Variants in ELOVL5 observed in about 807,000 individuals in gnomAD.
The protein encoded by ELOVL5 is very long chain fatty acid elongase 5.
A neutral mutation model predicts 38.6 loss-of-function variants in ELOVL5; 8 were observed. The observed-to-expected ratio is 0.21, with a 90% CI of 0.12 to 0.37. ELOVL5 has a LOEUF of 0.37. Among genes scored for constraint, ELOVL5 ranks in the 10% least tolerant of loss-of-function variants. The pLI, the probability that ELOVL5 is intolerant of heterozygous loss-of-function variation, is 1.00. For synonymous variants in ELOVL5, 127 were observed against 133.7 expected (o/e 0.95, Z 0.34); for missense variants, 280 against 367.8 (o/e 0.76, Z 1.95).
At chr6:53,287,724 C>G in intron 3 of ELOVL5, 2 of 701,962 alleles carry the variant, frequency 2.8e-6, no homozygotes, top group Non-Finnish European at 4.8e-6. Context: ...CCTGGTGTTG[C>G]TGGGGTTTGA....
chr6:53,305,584 G>C (rs1471238753), intron 1 of ELOVL5, among the ~76,000 whole-genome samples: 1 of 149,010 alleles, frequency 6.7e-6, no homozygotes, highest in African/African-American at 2.5e-5. Context: ...GGGCCGAGGC[G>C]CTCCCCACAT....
intron 6 of ELOVL5, 116 bp downstream of exon 6, chr6:53,273,104 C>G (rs992847194): frequency 8.9e-7 from 1 of 1,129,456 alleles, no homozygotes; most frequent in African/African-American, 1.6e-5. Context: ...TTAATTACAT[C>G]AAATGAAAAA....
intron 1 of ELOVL5, among the ~76,000 whole-genome samples, chr6:53,342,996 T>A (rs975972426): frequency 3.9e-5 from 6 of 152,188 alleles, no homozygotes; most frequent in Non-Finnish European, 7.4e-5. Context: ...AACACGCCAG[T>A]GGGAACCAAA....
Position 53,269,138 on chromosome 6 carries a change from G to GC in ELOVL5, c.888dup (p.Arg297AlafsTer9). 1 of 1,613,406 alleles carries GC rather than the reference G, an allele frequency of 6.2e-7. No homozygotes were observed. Among genetic ancestry groups the GC allele is most frequent in the Non-Finnish European group, 8.5e-7 (1 of 1,179,676 alleles). On this transcript the variant is annotated frameshift_variant, in exon 8 of 8. Coordinates refer to ENST00000304434, the MANE Select transcript of ELOVL5 (RefSeq NM_021814.5). LOFTEE classifies it high-confidence loss of function. ...TCAATTCTTTGACTTCAATCCTTCC[G>GC]CAGCTTCCTTGGCTTCACATTGTTT...
intron 1 of ELOVL5, among the ~76,000 whole-genome samples, chr6:53,305,167 C>T (rs1473365068): frequency 6.7e-6 from 1 of 150,290 alleles, no homozygotes; most frequent in Admixed American, 6.6e-5. Flanking sequence ...ACCCCCCCAC[C>T]TCCCTCCCGG....
intron 1 of ELOVL5, among the ~76,000 whole-genome samples, chr6:53,342,687 G>C (rs1561896904): frequency 6.6e-6 from 1 of 152,166 alleles, no homozygotes; most frequent in Non-Finnish European, 1.5e-5. Context: ...AAGCATGCCA[G>C]TATCAGCACT....
At chr6:53,332,584 G>A (rs1768852827) in intron 1 of ELOVL5, among the ~76,000 whole-genome samples, 1 of 152,156 alleles carries the variant, frequency 6.6e-6, no homozygotes, top group Non-Finnish European at 1.5e-5. Context: ...AAAAGAGGCG[G>A]AGAGAGAATG....
intron 3 of ELOVL5, chr6:53,287,785 TGA>T: frequency 7.5e-7 from 1 of 1,326,348 alleles, no homozygotes; most frequent in South Asian, 1.3e-5. Flanking sequence ...TGCCTCCTTC[TGA>T]GGAAAGGAGC....
chr6:53,339,526 G>A lies in ELOVL5; in HGVS notation c.-9+9291C>T, dbSNP rs182303470. Reference sequence around the variant, plus strand: ...CAGAATGTTTTCAAAATATAGTCACGCATCGCATAATGACCTTTAAATCAA... The same window carrying A: ...CAGAATGTTTTCAAAATATAGTCACACATCGCATAATGACCTTTAAATCAA... On this transcript the variant is annotated intron_variant, in intron 1 of 7. Coordinates refer to ENST00000304434, the MANE Select transcript of ELOVL5 (RefSeq NM_021814.5). Among the ~76,000 whole-genome samples, 6 of 152,236 alleles carry A rather than the reference G, an allele frequency of 3.9e-5. No homozygotes were observed. In the East Asian group the frequency reaches 7.7e-4, roughly 20 times the overall value.
intron 5 of ELOVL5, 39 bp downstream of exon 5, chr6:53,275,051 C>T: frequency 6.2e-7 from 1 of 1,601,890 alleles, no homozygotes; most frequent in Non-Finnish European, 8.5e-7. Flanking sequence ...CTCCTCCCTG[C>T]TCACACCTGT....
At chr6:53,330,566 T>G (rs905036513) in intron 1 of ELOVL5, among the ~76,000 whole-genome samples, 7 of 123,804 alleles carry the variant, frequency 5.7e-5, no homozygotes, top group African/African-American at 2.0e-4. Context: ...TGTTGCCCAG[T>G]GGGGCTATCC....
chr6:53,303,503 A>T (rs976548601), intron 1 of ELOVL5, among the ~76,000 whole-genome samples: 1 of 152,202 alleles, frequency 6.6e-6, no homozygotes, highest in Non-Finnish European at 1.5e-5. Context: ...TAATTCTCTG[A>T]TAAAGTCATT....
intron 1 of ELOVL5, among the ~76,000 whole-genome samples, chr6:53,333,803 A>G (rs1047031174): frequency 6.6e-6 from 1 of 152,176 alleles, no homozygotes; most frequent in South Asian, 2.1e-4. Flanking sequence ...CCCCATATCT[A>G]TATAGGATTT....
chr6:53,333,035 C>G (rs1244261301), intron 1 of ELOVL5, among the ~76,000 whole-genome samples: 1 of 152,214 alleles, frequency 6.6e-6, no homozygotes, highest in African/African-American at 2.4e-5. Context: ...TTACATGACA[C>G]TCCCTTCTCT....
intron 1 of ELOVL5, among the ~76,000 whole-genome samples, chr6:53,326,646 C>T (rs142712858): frequency 2.0e-5 from 3 of 152,334 alleles, no homozygotes; most frequent in East Asian, 3.9e-4. Context: ...CCTCTCTGTA[C>T]ATTCTAATCA....
At chr6:53,308,353 TCTAAGC>T (rs1469495404) in intron 1 of ELOVL5, among the ~76,000 whole-genome samples, 5 of 152,320 alleles carry the variant, frequency 3.3e-5, no homozygotes, top group African/African-American at 1.2e-4. Context: ...CCTATTAGGC[TCTAAGC>T]TCTTCAACGG....
intron 3 of ELOVL5, among the ~76,000 whole-genome samples, chr6:53,284,140 T>C (rs1423581781): frequency 6.6e-6 from 1 of 151,344 alleles, no homozygotes; most frequent in African/African-American, 2.4e-5. Flanking sequence ...ACTCCATCTC[T>C]ACAAAAAATA....
chr6:53,312,190 C>T (rs992663695), intron 1 of ELOVL5, among the ~76,000 whole-genome samples: 5 of 152,238 alleles, frequency 3.3e-5, no homozygotes, highest in African/African-American at 1.2e-4. Context: ...TCAAATGAAG[C>T]TATTGGGCAT....
At chr6:53,317,784 T>TA (rs1272873246) in intron 1 of ELOVL5, among the ~76,000 whole-genome samples, 5 of 145,856 alleles carry the variant, frequency 3.4e-5, no homozygotes, top group Non-Finnish European at 6.0e-5. Flanking sequence ...CCCTAAAACT[T>TA]AAAGTATAAT....
Sources: gnomAD v4.1 joint callset for allele counts (sites outside exome capture counted in the v4.1 genomes callset) on GRCh38, gnomAD v4.1.1 for gene constraint, MANE v1.5 for transcripts, NCBI Gene and HGNC (gene_info 2026-07-23, HGNC 2026-07-21) for gene names.